Variants in VANGL1 observed in about 807,000 individuals in gnomAD.
VANGL1 encodes the protein vang-like protein 1.
VANGL1 carries 18 observed loss-of-function variants against 48.4 expected under a neutral mutation model. The observed-to-expected ratio is 0.37, with a 90% CI of 0.26 to 0.55. VANGL1 has a LOEUF of 0.55. VANGL1 is among the 20% of genes least tolerant of loss of function. The probability of loss-of-function intolerance (pLI) is 0.81; values close to 1 mark genes in which losing one functional copy is unlikely to be tolerated. For missense variants in VANGL1, 667 were observed against 675.8 expected (o/e 0.99, Z 0.14); for synonymous variants, 257 against 261.8 (o/e 0.98, Z 0.18).
rs756854094 is a variant in VANGL1 at position 115,659,778 on chromosome 1, G to C, written c.204+5G>C. On this transcript the variant is annotated splice_donor_5th_base_variant and intron_variant, in intron 3 of 7. Coordinates refer to ENST00000355485, the MANE Select transcript of VANGL1 (RefSeq NM_138959.3). ...ACTCGGACAGAGGAAGTTCAGGTAA[G>C]GATCAAAGGTGGTCTGTAAGCACAC... 6 of 1,614,056 alleles carry C rather than the reference G, an allele frequency of 3.7e-6. No individual in the cohort carries two copies. Among genetic ancestry groups the C allele is most frequent in the Admixed American group, 3.3e-5 (2 of 60,000 alleles).
chr1:115,691,095 A>T, intron 7 of VANGL1, 24 bp from the exon 8 acceptor site: 1 of 1,614,046 alleles, frequency 6.2e-7, no homozygotes, highest in Admixed American at 1.7e-5. Flanking sequence ...TTCTTCCCTA[A>T]TGGCCTTTCT....
rs143214373 is a variant in VANGL1 at position 115,658,616 on chromosome 1, C to T, written c.72-1025C>T. 2.3e-3 allele frequency among the ~76,000 whole-genome samples: 353 copies of T among 152,250 alleles called. 3 individuals carry two copies. The highest frequency in any genetic ancestry group is 8.2e-3 in the African/African-American group (339 of 41,534). On this transcript the variant is annotated intron_variant, in intron 2 of 7. Coordinates refer to ENST00000355485, the MANE Select transcript of VANGL1 (RefSeq NM_138959.3). ...CCTGCCTGGGAGACCTTGGGAATGA[C>T]GGCAAGTGGTTGTAGGAAGGAGGGC...
intron 5 of VANGL1, 91 bp downstream of exon 5, chr1:115,682,588 T>A: frequency 6.3e-7 from 1 of 1,586,146 alleles, no homozygotes; most frequent in Admixed American, 1.7e-5. Context: ...CGACTTCTTC[T>A]CTGGGCCTAC....
At chr1:115,674,797 G>C (rs984731114) in intron 4 of VANGL1, among the ~76,000 whole-genome samples, 12 of 152,174 alleles carry the variant, frequency 7.9e-5, no homozygotes, top group Admixed American at 6.5e-5. Context: ...AGGCCATAAA[G>C]TGTGAGGGCA....
intron 2 of VANGL1, among the ~76,000 whole-genome samples, chr1:115,658,813 T>A (rs544626235): frequency 6.6e-6 from 1 of 152,268 alleles, no homozygotes; most frequent in East Asian, 1.9e-4. Flanking sequence ...ATTGGTTCAT[T>A]TTGGAATTTC....
At chr1:115,681,503 G>GTTTTTTTTTTTTTTTTT (rs368388367) in intron 4 of VANGL1, among the ~76,000 whole-genome samples, 1 of 114,880 alleles carries the variant, frequency 8.7e-6, no homozygotes, top group Non-Finnish European at 1.8e-5. Flanking sequence ...TTTTTTTGTT[G>GTTTTTTTTTTTTTTTTT]TTTTTTTTGT....
intron 6 of VANGL1, 86 bp from the exon 7 acceptor site, chr1:115,685,207 C>T: frequency 6.8e-7 from 1 of 1,470,248 alleles, no homozygotes; most frequent in South Asian, 1.2e-5. Flanking sequence ...GCAGGTTGGG[C>T]CGCAGCAGGG....
intron 2 of VANGL1, among the ~76,000 whole-genome samples, chr1:115,659,135 T>C (rs1319219894): frequency 2.0e-5 from 3 of 152,180 alleles, no homozygotes; most frequent in Admixed American, 2.0e-4. Context: ...ACTTTGAATT[T>C]CCTTTCTTCT....
At chr1:115,665,870 G>C (rs188168455) in intron 4 of VANGL1, among the ~76,000 whole-genome samples, 2 of 152,344 alleles carry the variant, frequency 1.3e-5, no homozygotes, top group East Asian at 1.9e-4. Context: ...GACACACCAG[G>C]CTGGCTGCCT....
In VANGL1 at chr1:115,663,828, C is replaced by T; in HGVS notation, c.372C>T (p.Phe124=). The T allele has an allele frequency of 6.2e-7, 1 of 1,614,206 alleles. No individual in the cohort carries two copies. Among genetic ancestry groups the T allele is most frequent in the Non-Finnish European group, 8.5e-7 (1 of 1,180,036 alleles). Reference sequence around the variant, plus strand: ...CCTCTTTTCTTGGACTTCTAGTTTTCCTCACCCCTATTGCCTTCATCCTTT... The same window carrying T: ...CCTCTTTTCTTGGACTTCTAGTTTTTCTCACCCCTATTGCCTTCATCCTTT... ...TVASFLGLLV[F]LTPIAFILLP... is the part of the protein sequence containing the mutation. The change falls in exon 4 of 8, where the codon TTC becomes TTT. Residue 124 remains phenylalanine (F), a synonymous_variant. Coordinates refer to ENST00000355485, the MANE Select transcript of VANGL1 (RefSeq NM_138959.3).
intron 1 of VANGL1, among the ~76,000 whole-genome samples, chr1:115,644,212 C>T (rs1472174430): frequency 2.0e-5 from 3 of 152,138 alleles, no homozygotes; most frequent in Non-Finnish European, 4.4e-5. Flanking sequence ...ACGTTTAAGC[C>T]CTGGCTCCTG....
At position 115,647,555 on chromosome 1, in the gene VANGL1, T is replaced by C. The variant is rs761669198; in HGVS notation, c.-137-3722T>C. Among the ~76,000 whole-genome samples the C allele has an allele frequency of 9.4e-4, 143 of 152,230 alleles. 11 individuals carry two copies. The highest frequency in any genetic ancestry group is 6.5e-5 in the Admixed American group (1 of 15,288). Reference sequence around the variant, plus strand: ...CTTATTGCATCCTCTTAGTCCTCACTCAGATCTTGGATAGGATAAGAGTTG... The same window carrying C: ...CTTATTGCATCCTCTTAGTCCTCACCCAGATCTTGGATAGGATAAGAGTTG... On this transcript the variant is annotated intron_variant, in intron 1 of 7. Coordinates refer to ENST00000355485, the MANE Select transcript of VANGL1 (RefSeq NM_138959.3).
In VANGL1 at chr1:115,691,934, A is replaced by C. The variant is rs905556188; in HGVS notation, c.*555A>C. The C allele has an allele frequency of 6.5e-6, 1 of 153,872 alleles. No homozygotes were observed. Among genetic ancestry groups the C allele is most frequent in the Non-Finnish European group, 1.5e-5 (1 of 68,922 alleles). The allele number at this position is 153,872 out of a possible 1,614,324, so 9.5% of individuals were successfully genotyped here. A position where few individuals can be genotyped will look rare whatever the true frequency, so the allele number is the denominator to read the frequency against. The stretch of plus-strand genomic sequence containing the variant: ...TCTTCAGAGAAAGATCACAACAAAA[A>C]ATGTACACTGTCGTTTACAGCTATT... On this transcript the variant is annotated 3_prime_UTR_variant, in exon 8 of 8. Transcript: ENST00000355485.
At chr1:115,664,746 C>T (rs1652708264) in intron 4 of VANGL1, among the ~76,000 whole-genome samples, 1 of 152,098 alleles carries the variant, frequency 6.6e-6, no homozygotes, top group African/African-American at 2.4e-5. Flanking sequence ...ATCCGAGGGA[C>T]CCTCCAATAA....
intron 4 of VANGL1, among the ~76,000 whole-genome samples, chr1:115,677,668 G>T (rs1277510683): frequency 6.6e-6 from 1 of 152,220 alleles, no homozygotes; most frequent in Non-Finnish European, 1.5e-5. Context: ...AGGCAGGTAT[G>T]TTGGCATGTG....
At chr1:115,650,345 G>C (rs528606395) in intron 1 of VANGL1, among the ~76,000 whole-genome samples, 1 of 152,110 alleles carries the variant, frequency 6.6e-6, no homozygotes, top group Non-Finnish European at 1.5e-5. Flanking sequence ...TGTGGATCTC[G>C]GTTTTCTAGA....
chr1:115,666,179 A>G (rs1323539782), intron 4 of VANGL1, among the ~76,000 whole-genome samples: 2 of 152,204 alleles, frequency 1.3e-5, no homozygotes, highest in Admixed American at 6.5e-5. Flanking sequence ...AGTGAGGTCT[A>G]TGGTGGTTTT....
chr1:115,645,173 C>T (rs1318632805), intron 1 of VANGL1, among the ~76,000 whole-genome samples: 1 of 151,976 alleles, frequency 6.6e-6, no homozygotes, highest in Non-Finnish European at 1.5e-5. Flanking sequence ...CATTTGCTTC[C>T]AACCTGGGGA....
At chr1:115,686,084 G>A (rs1206648251) in intron 7 of VANGL1, among the ~76,000 whole-genome samples, 1 of 151,974 alleles carries the variant, frequency 6.6e-6, no homozygotes, top group East Asian at 1.9e-4. Context: ...TCTACCATGC[G>A]ATTTACATGC....
Sources: allele counts gnomAD v4.1 joint callset (sites outside exome capture counted in the v4.1 genomes callset), GRCh38; gene constraint gnomAD v4.1.1; transcripts MANE v1.5; gene names NCBI Gene and HGNC (gene_info 2026-07-23, HGNC 2026-07-21).